Variants in FGF12 observed in about 807,000 individuals in gnomAD.
FGF12 encodes the protein fibroblast growth factor 12.
In FGF12, 14 loss-of-function variants were observed where a neutral mutation model predicts 23.6. The observed-to-expected ratio is 0.59, with a 90% CI of 0.39 to 0.93. The LOEUF is 0.93. FGF12 is among the 40% of genes least tolerant of loss of function. FGF12 has a pLI of 0.00. For missense variants in FGF12, 175 were observed against 217.8 expected (o/e 0.80, Z 1.24); for synonymous variants, 62 against 77.3 (o/e 0.80, Z 1.04).
At chr3:192,531,523 C>T (rs530539213) in intron 2 of FGF12, among the ~76,000 whole-genome samples, 16 of 151,728 alleles carry the variant, frequency 1.1e-4, no homozygotes, top group South Asian at 4.2e-4. Flanking sequence ...TAGTACATTC[C>T]GAAAAAAGAG....
At chr3:192,186,090 G>A (rs1490032062) in intron 4 of FGF12, among the ~76,000 whole-genome samples, 1 of 152,128 alleles carries the variant, frequency 6.6e-6, no homozygotes, top group Non-Finnish European at 1.5e-5. Flanking sequence ...GTGATTTTAT[G>A]TTGAGTGTAA....
At chr3:192,462,198 A>G (rs1722885737) in intron 2 of FGF12, among the ~76,000 whole-genome samples, 1 of 152,212 alleles carries the variant, frequency 6.6e-6, no homozygotes, top group Admixed American at 6.5e-5. Flanking sequence ...TGGGAGTATA[A>G]ATTCTTCTGG....
intron 4 of FGF12, among the ~76,000 whole-genome samples, chr3:192,210,981 C>A (rs1717900752): frequency 6.6e-6 from 1 of 152,148 alleles, no homozygotes; most frequent in African/African-American, 2.4e-5. Flanking sequence ...ATTGTGAAAA[C>A]AGGAGAGATT....
chr3:192,416,523 T>A (rs1721357105), intron 2 of FGF12, among the ~76,000 whole-genome samples: 1 of 152,086 alleles, frequency 6.6e-6, no homozygotes, highest in Non-Finnish European at 1.5e-5. Flanking sequence ...AATGAACAGA[T>A]CAGCAGATGA....
At chr3:192,229,806 G>A (rs956739292) in intron 4 of FGF12, among the ~76,000 whole-genome samples, 4 of 152,044 alleles carry the variant, frequency 2.6e-5, no homozygotes, top group Non-Finnish European at 4.4e-5. Context: ...CATGGAATCC[G>A]AAAAACAAAG....
intron 2 of FGF12, among the ~76,000 whole-genome samples, chr3:192,661,491 C>T (rs775302384): frequency 3.3e-5 from 5 of 152,122 alleles, no homozygotes; most frequent in Non-Finnish European, 5.9e-5. Flanking sequence ...CACCACTGCA[C>T]TCCAGCCTGG....
intron 3 of FGF12, among the ~76,000 whole-genome samples, chr3:192,349,297 A>G (rs775401822): frequency 2.6e-4 from 39 of 152,206 alleles, no homozygotes; most frequent in Non-Finnish European, 4.9e-4. Context: ...CTTAGAGCAA[A>G]TCAACTCTCA....
chr3:192,464,943 G>C (rs925599953), intron 2 of FGF12, among the ~76,000 whole-genome samples: 5 of 152,192 alleles, frequency 3.3e-5, no homozygotes, highest in African/African-American at 1.2e-4. Flanking sequence ...CTATCTCATT[G>C]TGATCTGATT....
At chr3:192,471,526 C>T (rs972627314) in intron 2 of FGF12, among the ~76,000 whole-genome samples, 3 of 152,076 alleles carry the variant, frequency 2.0e-5, no homozygotes, top group African/African-American at 7.2e-5. Context: ...AAATTGTATA[C>T]CATGGTTCAT....
At chr3:192,592,151 C>G (rs914941647) in intron 2 of FGF12, among the ~76,000 whole-genome samples, 1 of 151,776 alleles carries the variant, frequency 6.6e-6, no homozygotes, top group Non-Finnish European at 1.5e-5. Flanking sequence ...CCATTCAACT[C>G]GGGCCTGATA....
At chr3:192,245,006 T>C (rs1674707066) in intron 4 of FGF12, 1 of 152,126 alleles carries the variant, frequency 6.6e-6, no homozygotes, top group Non-Finnish European at 1.5e-5. Flanking sequence ...TACTCTTTTC[T>C]TTTAAGTGTG....
chr3:192,499,516 ATTTTTTTTTTT>A (rs71177364), intron 2 of FGF12, among the ~76,000 whole-genome samples: 15 of 38,862 alleles, frequency 3.9e-4, no homozygotes, highest in Admixed American at 9.8e-4. Context: ...ATATATATAT[ATTTTTTTTTTT>A]TTTTTTTTTT....
chr3:192,711,556 T>C (rs548688716), intron 2 of FGF12, among the ~76,000 whole-genome samples: 319 of 152,292 alleles, frequency 2.1e-3, no homozygotes, highest in African/African-American at 6.5e-3. Flanking sequence ...GCTGTGTCTG[T>C]GTAGAAAGAA....
At chr3:192,582,952 T>C (rs1478674518) in intron 2 of FGF12, among the ~76,000 whole-genome samples, 1 of 152,156 alleles carries the variant, frequency 6.6e-6, no homozygotes, top group African/African-American at 2.4e-5. Flanking sequence ...TTTGCTCATT[T>C]TGTTCCTCCT....
rs77317221 is a variant in FGF12, at chr3:192,195,140, G to A, written c.229-24484C>T. On this transcript the variant is annotated intron_variant, in intron 4 of 5. Transcript: ENST00000445105. ...GCTTACCTCTTTCAACAAAGGCATC[G>A]TGAACTCTCATTTTGAAGTGGGAAC... Among the ~76,000 whole-genome samples, 518 of 152,306 alleles carry A rather than the reference G, an allele frequency of 3.4e-3. 8 individuals carry two copies. The highest frequency in any genetic ancestry group is 0.032 in the East Asian group (164 of 5,186).
At chr3:192,632,099 A>G (rs768572737) in intron 2 of FGF12, among the ~76,000 whole-genome samples, 14 of 152,212 alleles carry the variant, frequency 9.2e-5, no homozygotes, top group Non-Finnish European at 1.5e-4. Context: ...ATAGCTTTAC[A>G]CATGCATTTT....
At chr3:192,698,540 T>G (rs1331209828) in intron 2 of FGF12, among the ~76,000 whole-genome samples, 2 of 152,160 alleles carry the variant, frequency 1.3e-5, no homozygotes, top group African/African-American at 4.8e-5. Flanking sequence ...AGTGTTAATA[T>G]GCGTCAGACA....
intron 2 of FGF12, among the ~76,000 whole-genome samples, chr3:192,377,119 C>G (rs1156594960): frequency 6.6e-6 from 1 of 152,202 alleles, no homozygotes; most frequent in African/African-American, 2.4e-5. Flanking sequence ...CACTTTCCAC[C>G]CATTGCCCTA....
intron 2 of FGF12, among the ~76,000 whole-genome samples, chr3:192,635,815 T>C (rs1015050416): frequency 2.0e-5 from 3 of 152,172 alleles, no homozygotes; most frequent in Admixed American, 6.5e-5. Context: ...TATGGAGAAG[T>C]CTGGATAAGA....
Sources: allele counts gnomAD v4.1 joint callset (sites outside exome capture counted in the v4.1 genomes callset), GRCh38; gene constraint gnomAD v4.1.1; transcripts MANE v1.5; gene names NCBI Gene and HGNC (gene_info 2026-07-23, HGNC 2026-07-21).